CD109: variants seen among roughly 807,000 people sequenced by gnomAD.
The protein encoded by CD109 is CD109 antigen.
In CD109, 149 loss-of-function variants were observed where a neutral mutation model predicts 165.8. The ratio of observed to expected loss-of-function variants is 0.90; its 90% CI spans 0.79 to 1.03. The LOEUF is 1.03. Ranked by LOEUF, CD109 falls within the 50% of genes least tolerant of loss-of-function variation. The probability of loss-of-function intolerance (pLI) is 0.00; values close to 1 mark genes in which losing one functional copy is unlikely to be tolerated. For synonymous variants in CD109, 585 were observed against 592.1 expected, an observed-to-expected ratio of 0.99 and a Z score of 0.18; for missense variants, 1,712 against 1,677.8, an observed-to-expected ratio of 1.02 and a Z score of -0.36.
the CD109 span, among the ~76,000 whole-genome samples, chr6:73,679,623 T>G: frequency 8.0e-6 from 1 of 124,512 alleles, no homozygotes; most frequent in Non-Finnish European, 1.8e-5. Flanking sequence ...TTTCTTTTCT[T>G]TTCTGTTTTT....
chr6:73,709,392 T>G (rs1771435841), intron 2 of CD109, among the ~76,000 whole-genome samples: 1 of 152,260 alleles, frequency 6.6e-6, no homozygotes, highest in Admixed American at 6.5e-5. Context: ...CATGCTGTTT[T>G]GGTTACTGTA....
intron 2 of CD109, among the ~76,000 whole-genome samples, chr6:73,701,937 T>A (rs1202550609): frequency 6.6e-6 from 1 of 152,016 alleles, no homozygotes; most frequent in African/African-American, 2.4e-5. Flanking sequence ...AAAAGAACCC[T>A]TAAAACCAAA....
chr6:73,692,928 T>G (rs1409889983), upstream of CD109, among the ~76,000 whole-genome samples: 2 of 152,214 alleles, frequency 1.3e-5, no homozygotes, highest in African/African-American at 2.4e-5. Flanking sequence ...CTTTATAAAT[T>G]ACCCAGTCTC....
chr6:73,741,032 A>T (rs1412675211), intron 5 of CD109, among the ~76,000 whole-genome samples: 2 of 151,596 alleles, frequency 1.3e-5, no homozygotes, highest in Admixed American at 6.6e-5. Flanking sequence ...TTTCCATCTT[A>T]TGTTTTATCT....
intron 17 of CD109, 98 bp downstream of exon 17, chr6:73,781,417 G>A (rs1326061858): frequency 2.0e-6 from 2 of 997,660 alleles, no homozygotes; most frequent in Non-Finnish European, 1.5e-6. Flanking sequence ...CATAGAGATT[G>A]TGATTTTCAT....
chr6:73,710,034 G>A (rs1189598999), intron 2 of CD109, among the ~76,000 whole-genome samples: 7 of 152,208 alleles, frequency 4.6e-5, no homozygotes, highest in Non-Finnish European at 8.8e-5. Context: ...ACTGGCACAA[G>A]ACAGGGATGT....
intron 15 of CD109, among the ~76,000 whole-genome samples, chr6:73,779,120 C>G (rs1774373335): frequency 6.6e-6 from 1 of 152,198 alleles, no homozygotes; most frequent in African/African-American, 2.4e-5. Flanking sequence ...TAGTCTACTT[C>G]TGTCTTTATG....
At chr6:73,706,609 A>G (rs1373485844) in intron 2 of CD109, among the ~76,000 whole-genome samples, 3 of 152,098 alleles carry the variant, frequency 2.0e-5, no homozygotes, top group Non-Finnish European at 4.4e-5. Flanking sequence ...TACCTCGGAG[A>G]ATTCTATGAG....
intron 5 of CD109, among the ~76,000 whole-genome samples, chr6:73,747,768 C>T (rs1773033961): frequency 6.6e-6 from 1 of 152,184 alleles, no homozygotes; most frequent in East Asian, 1.9e-4. Flanking sequence ...ATCCATTCGG[C>T]TGTGCAGGCT....
At chr6:73,744,250 G>A (rs1412141818) in intron 5 of CD109, among the ~76,000 whole-genome samples, 3 of 152,074 alleles carry the variant, frequency 2.0e-5, no homozygotes, top group African/African-American at 4.8e-5. Flanking sequence ...TTTCATATTT[G>A]TTCTGTCTAA....
intron 2 of CD109, 95 bp downstream of exon 2, chr6:73,697,667 A>T: frequency 9.9e-7 from 1 of 1,010,564 alleles, no homozygotes; most frequent in South Asian, 1.7e-5. Flanking sequence ...AGAAACCCCA[A>T]ATTTGCAGTA....
chr6:73,804,679 T>C (rs563212900), intron 24 of CD109, among the ~76,000 whole-genome samples: 3 of 152,326 alleles, frequency 2.0e-5, no homozygotes, highest in African/African-American at 4.8e-5. Flanking sequence ...GAGAAAAATA[T>C]CATTTTCCCC....
chr6:73,690,919 G>C (rs912793897), upstream of CD109, among the ~76,000 whole-genome samples: 7 of 152,102 alleles, frequency 4.6e-5, no homozygotes, highest in Non-Finnish European at 8.8e-5. Context: ...GTAGTGGTAA[G>C]ACTGTAGCAG....
Position 73,763,794 on chromosome 6 carries a change from A to T in CD109, c.1107+109A>T. 6.0e-6 allele frequency: 3 copies of T among 503,518 alleles called. No individual in the cohort carries two copies. In the East Asian group the frequency reaches 9.6e-5, roughly 16 times the overall value. 31.2% of individuals were successfully genotyped at this position (503,518 alleles called of 1,614,324 possible). Reference sequence around the variant, plus strand: ...TCTAAAAATTTAAGCCAAAAAGTATATAACTTTGTCTCTTTAGACATGTGG... The same window carrying T: ...TCTAAAAATTTAAGCCAAAAAGTATTTAACTTTGTCTCTTTAGACATGTGG... On this transcript the variant is annotated intron_variant, in intron 10 of 32. Transcript: ENST00000287097.
chr6:73,720,622 C>T (rs1239402014), intron 2 of CD109, among the ~76,000 whole-genome samples: 1 of 151,910 alleles, frequency 6.6e-6, no homozygotes. Flanking sequence ...ATGTCGCATA[C>T]CATAAATATA....
At chr6:73,794,741 G>A (rs1400401974) in intron 23 of CD109, among the ~76,000 whole-genome samples, 3 of 152,118 alleles carry the variant, frequency 2.0e-5, no homozygotes, top group African/African-American at 7.2e-5. Context: ...TTAGATTAGG[G>A]CCAGACCATG....
In CD109 at chr6:73,785,552, G is replaced by A. The variant is rs140510356; in HGVS notation, c.2337+75G>A. 1.8e-4 allele frequency: 133 copies of A among 758,530 alleles called. No individual in the cohort carries two copies. The African/African-American group carries it at 2.1e-3, about 12-fold the overall frequency. 47.0% of individuals were successfully genotyped at this position (758,530 alleles called of 1,614,324 possible). A position where few individuals can be genotyped will look rare whatever the true frequency, so the allele number is the denominator to read the frequency against. On this transcript the variant is annotated intron_variant, in intron 20 of 32. Transcript: ENST00000287097. ...AGGTAGCATGAAGGGATTGGGTTGT[G>A]TAGTATCTGGGCATTTGGGATTCTA...
chr6:73,798,130 T>A (rs568834365), intron 23 of CD109, among the ~76,000 whole-genome samples: 361 of 151,934 alleles, frequency 2.4e-3, no homozygotes, highest in African/African-American at 8.4e-3. Flanking sequence ...TTTTCTTTTT[T>A]TTGTGATGGA....
chr6:73,714,643 G>A (rs138835547), intron 2 of CD109, among the ~76,000 whole-genome samples: 16 of 152,340 alleles, frequency 1.1e-4, no homozygotes, highest in Admixed American at 3.9e-4. Context: ...TGTGTAGTGT[G>A]AAGAATTGAC....
Sources: gnomAD v4.1 joint callset for allele counts (sites outside exome capture counted in the v4.1 genomes callset) on GRCh38, gnomAD v4.1.1 for gene constraint, MANE v1.5 for transcripts, NCBI Gene and HGNC (gene_info 2026-07-23, HGNC 2026-07-21) for gene names.